KAZN: variants seen among roughly 807,000 people sequenced by gnomAD.
KAZN encodes the protein kazrin, periplakin interacting protein.
Under a neutral mutation model 87.4 loss-of-function variants are expected in KAZN, and 40 were observed. The observed-to-expected ratio is 0.46, with a 90% CI of 0.36 to 0.60. The LOEUF is 0.60. KAZN is among the 20% of genes least tolerant of loss of function. The pLI is 0.00. For missense variants in KAZN, 898 were observed against 1,073.9 expected, an observed-to-expected ratio of 0.84 and a Z score of 2.29; for synonymous variants, 466 against 458.3, an observed-to-expected ratio of 1.02 and a Z score of -0.22.
At chr1:14,488,931 A>G (rs1285293404) in intron 2 of KAZN, among the ~76,000 whole-genome samples, 1 of 152,136 alleles carries the variant, frequency 6.6e-6, no homozygotes, top group East Asian at 1.9e-4. Flanking sequence ...CCATCTTTGC[A>G]TTGTTTCACT....
In KAZN at chr1:14,982,417, A is replaced by ATTTT. The variant is rs71000353; in HGVS notation, c.418+21569_418+21572dup. Among the ~76,000 whole-genome samples, 23 of 64,828 alleles carry ATTTT rather than the reference A, an allele frequency of 3.5e-4. 4 individuals are homozygous for ATTTT. The highest frequency in any genetic ancestry group is 1.6e-3 in the African/African-American group (21 of 12,730). The allele number at this position is 64,828 out of a possible 152,430, so 42.5% of individuals were successfully genotyped here. ...GGGGCCGCTGTTCTCAGCACCTGAG[A>ATTTT]TTTTTTTTTTTTTTTTTTTTTTTTT... On this transcript the variant is annotated intron_variant, in intron 2 of 14. Coordinates refer to ENST00000376030, the MANE Select transcript of KAZN (RefSeq NM_201628.3).
At chr1:14,181,952 A>G (rs142557284) in intron 2 of KAZN, among the ~76,000 whole-genome samples, 395 of 152,280 alleles carry the variant, frequency 2.6e-3, no homozygotes, top group Middle Eastern at 6.8e-3. Flanking sequence ...AAAAAAGTGC[A>G]TATTTTTCTT....
chr1:14,933,840 CT>C (rs1394765089), intron 1 of KAZN, among the ~76,000 whole-genome samples: 83 of 110,262 alleles, frequency 7.5e-4, no homozygotes, highest in African/African-American at 4.0e-3. Flanking sequence ...TGGGATGTAG[CT>C]TTTTTTTCTT....
intron 1 of KAZN, among the ~76,000 whole-genome samples, chr1:14,066,016 T>C (rs1642993573): frequency 6.6e-6 from 1 of 152,214 alleles, no homozygotes; most frequent in South Asian, 2.1e-4. Flanking sequence ...TGCTGTCCAT[T>C]ATACCACTCC....
At chr1:14,793,147 G>A (rs1364711458) in intron 1 of KAZN, among the ~76,000 whole-genome samples, 1 of 152,088 alleles carries the variant, frequency 6.6e-6, no homozygotes, top group African/African-American at 2.4e-5. Context: ...GTGGCATGGA[G>A]GAGGCAAGGA....
intron 1 of KAZN, among the ~76,000 whole-genome samples, chr1:14,702,961 T>C (rs775158761): frequency 6.6e-6 from 1 of 152,244 alleles, no homozygotes; most frequent in Non-Finnish European, 1.5e-5. Context: ...TTCTAGAAAC[T>C]GGCTGTGCTA....
chr1:14,121,671 T>C (rs1644754296), intron 1 of KAZN, among the ~76,000 whole-genome samples: 1 of 152,202 alleles, frequency 6.6e-6, no homozygotes, highest in Non-Finnish European at 1.5e-5. Flanking sequence ...TAAATGCTTA[T>C]GTATGTGTGC....
chr1:14,533,855 T>C (rs373587447), intron 2 of KAZN, among the ~76,000 whole-genome samples: 2 of 152,320 alleles, frequency 1.3e-5, no homozygotes, highest in African/African-American at 4.8e-5. Flanking sequence ...TCTAATTCTT[T>C]GACCTGTCTG....
chr1:13,945,614 A>G (rs1354094109), intron 1 of KAZN, among the ~76,000 whole-genome samples: 2 of 151,396 alleles, frequency 1.3e-5, no homozygotes, highest in Non-Finnish European at 2.9e-5. Context: ...ACCCACAATC[A>G]TAGTTGGGAA....
intron 1 of KAZN, among the ~76,000 whole-genome samples, chr1:14,653,497 C>T (rs909351971): frequency 5.9e-5 from 9 of 152,180 alleles, no homozygotes; most frequent in African/African-American, 2.2e-4. Flanking sequence ...GCGGCCAGAC[C>T]GGTCTCAGTT....
At chr1:14,581,197 A>C (rs142805376) in intron 2 of KAZN, among the ~76,000 whole-genome samples, 3 of 152,280 alleles carry the variant, frequency 2.0e-5, no homozygotes, top group East Asian at 3.9e-4. Context: ...TCTAACACGC[A>C]TCTCAAAATC....
chr1:15,063,650 A>T, intron 7 of KAZN, 28 bp downstream of exon 7: 2 of 1,575,816 alleles, frequency 1.3e-6, no homozygotes, highest in Admixed American at 3.3e-5. Flanking sequence ...GGCCACTTGA[A>T]CCCTCCCTCC....
At chr1:14,849,529 G>A (rs1266112164) in intron 1 of KAZN, among the ~76,000 whole-genome samples, 1 of 152,202 alleles carries the variant, frequency 6.6e-6, no homozygotes, top group Non-Finnish European at 1.5e-5. Flanking sequence ...TATGGGAATA[G>A]GGTTGGGGAA....
intron 1 of KAZN, among the ~76,000 whole-genome samples, chr1:14,716,707 G>C (rs2100252348): frequency 6.6e-6 from 1 of 152,236 alleles, no homozygotes; most frequent in South Asian, 2.1e-4. Flanking sequence ...CCTTTCCTGT[G>C]TTCCCTGCTG....
intron 1 of KAZN, among the ~76,000 whole-genome samples, chr1:14,859,434 C>A (rs1650574628): frequency 1.3e-5 from 2 of 152,132 alleles, no homozygotes; most frequent in Admixed American, 1.3e-4. Flanking sequence ...TCTCTTTTAT[C>A]CTGAGGTCCA....
chr1:14,220,358 CT>C (rs1189715556), intron 2 of KAZN, among the ~76,000 whole-genome samples: 70 of 152,346 alleles, frequency 4.6e-4, no homozygotes, highest in African/African-American at 1.6e-3. Context: ...CAATTAATAG[CT>C]TCTCCGCTTC....
At chr1:14,023,077 G>A (rs1302345359) in intron 1 of KAZN, among the ~76,000 whole-genome samples, 1 of 152,162 alleles carries the variant, frequency 6.6e-6, no homozygotes, top group Admixed American at 6.5e-5. Flanking sequence ...CACTTTGGGA[G>A]GCTGAGGTGG....
At chr1:14,593,242 T>C (rs1322852006) in intron 2 of KAZN, among the ~76,000 whole-genome samples, 1 of 152,202 alleles carries the variant, frequency 6.6e-6, no homozygotes, top group Non-Finnish European at 1.5e-5. Flanking sequence ...AGGGTTTTAA[T>C]GAGAGTAGCG....
intron 1 of KAZN, among the ~76,000 whole-genome samples, chr1:14,652,482 C>CCACCTGT (rs1638461030): frequency 2.4e-5 from 1 of 41,536 alleles, no homozygotes; most frequent in Non-Finnish European, 5.1e-5. Flanking sequence ...CACCCACCCG[C>CCACCTGT]CCATCCACCT....
Sources: allele counts gnomAD v4.1 joint callset (sites outside exome capture counted in the v4.1 genomes callset), GRCh38; gene constraint gnomAD v4.1.1; transcripts MANE v1.5; gene names NCBI Gene and HGNC (gene_info 2026-07-23, HGNC 2026-07-21).